The following ALAS1 variants were observed in gnomAD, a reference collection of about 807,000 sequenced individuals.
The protein encoded by ALAS1 is 5'-aminolevulinate synthase 1.
ALAS1 carries 29 observed loss-of-function variants against 59.6 expected under a neutral mutation model. That is an observed-to-expected ratio of 0.49 (90% confidence interval 0.36 to 0.66). The LOEUF is 0.66. Among genes scored for constraint, ALAS1 ranks in the 30% least tolerant of loss-of-function variants. The pLI is 0.00. For synonymous variants in ALAS1, 299 were observed against 296.6 expected (o/e 1.01, Z -0.08); for missense variants, 690 against 807.5 (o/e 0.85, Z 1.76).
chr3:52,198,708 C>A lies in ALAS1; in HGVS notation c.-173C>A. The A allele has an allele frequency of 8.5e-7, 1 of 1,172,184 alleles. No individual in the cohort carries two copies. Among genetic ancestry groups the A allele is most frequent in the Non-Finnish European group, 1.2e-6 (1 of 818,302 alleles). 72.6% of individuals were successfully genotyped at this position (1,172,184 alleles called of 1,614,324 possible). Reference sequence around the variant, plus strand: ...TCTTCCCGCTGTGGGGACACGACCACGGAGGAATCCTTGCTTCAGGGACTC... The same window carrying A: ...TCTTCCCGCTGTGGGGACACGACCAAGGAGGAATCCTTGCTTCAGGGACTC... On this transcript the variant is annotated 5_prime_UTR_variant, in exon 2 of 12. Transcript: ENST00000484952.
rs1319438762 is a variant in ALAS1, at chr3:52,198,756, T to G, written c.-125T>G. Reference sequence around the variant, plus strand: ...CTCGGGACCCTGCTGGACCCCTTCCTCGGGTTTAGGGGATGTGGGGACCAG... The same window carrying G: ...CTCGGGACCCTGCTGGACCCCTTCCGCGGGTTTAGGGGATGTGGGGACCAG... On this transcript the variant is annotated 5_prime_UTR_variant, in exon 2 of 12. Coordinates refer to ENST00000484952, the MANE Select transcript of ALAS1 (RefSeq NM_000688.6). 1.3e-6 allele frequency: 2 copies of G among 1,517,166 alleles called. No individual in the cohort carries two copies. The highest frequency in any genetic ancestry group is 2.8e-5 in the African/African-American group (2 of 72,650). 94.0% of individuals were successfully genotyped at this position (1,517,166 alleles called of 1,614,324 possible).
At position 52,202,578 on chromosome 3, in the gene ALAS1, C is replaced by G; in HGVS notation, c.271C>G (p.Leu91Val). ...GSQQSPDGTQ[L>V]PSGHPLPATS... is the part of the protein sequence containing the mutation. ...CCAGCAGAGTCCAGATGGCACACAG[C>G]TTCCGTCTGGACACCCCTTGCCTGC... The change falls in exon 4 of 12, where the codon CTT (leucine) becomes GTT (valine). Residue 91 changes from leucine (L) to valine (V), a missense_variant. Physicochemically the swap from Leu to Val is conservative, Grantham distance 32. Transcript: ENST00000484952. 1 of 1,614,202 alleles carries G rather than the reference C, an allele frequency of 6.2e-7. No individual in the cohort carries two copies. The highest frequency in any genetic ancestry group is 8.5e-7 in the Non-Finnish European group (1 of 1,180,044).
Position 52,208,172 on chromosome 3 carries a change from T to C in ALAS1, c.1255T>C (p.Tyr419His), listed in dbSNP as rs756023592. The C allele has an allele frequency of 6.2e-7, 1 of 1,613,892 alleles. No individual in the cohort carries two copies. Among genetic ancestry groups the C allele is most frequent in the South Asian group, 1.1e-5 (1 of 91,060 alleles). ...FVDEVHAVGL[Y>H]GARGGGIGDR... ...GGATGAGGTCCACGCAGTGGGGCTT[T>C]ATGGGGCTCGAGGCGGAGGGATTGG... is the stretch of plus-strand genomic sequence containing the variant. Residue 419 changes from tyrosine to histidine, a missense_variant, in exon 9 of 12, where the codon TAT becomes CAT. By Grantham distance (83) the Tyr-to-His change is moderately conservative (BLOSUM62 2). Coordinates refer to ENST00000484952, the MANE Select transcript of ALAS1 (RefSeq NM_000688.6).
Position 52,212,383 on chromosome 3 carries a change from C to A in ALAS1, c.1725C>A (p.Thr575=), listed in dbSNP as rs566594592. ...RGEELLRIAP[T]PHHTPQMMNY... is the part of the protein sequence containing the mutation. ...AAGAGCTCCTACGGATTGCCCCCAC[C>A]CCTCACCACACACCCCAGATGATGA... The change falls in exon 11 of 12, where the codon ACC becomes ACA. Residue 575 remains threonine, a synonymous_variant. Coordinates refer to ENST00000484952, the MANE Select transcript of ALAS1 (RefSeq NM_000688.6). 13 of 1,614,112 alleles carry A rather than the reference C, an allele frequency of 8.1e-6. No individual in the cohort carries two copies. The East Asian group carries it at 2.7e-4, about 33-fold the overall frequency.
intron 1 of ALAS1, 90 bp from the exon 2 acceptor site, chr3:52,198,582 C>A: frequency 1.7e-6 from 1 of 579,110 alleles, no homozygotes; most frequent in South Asian, 2.1e-5. Context: ...ACTCAACTCC[C>A]TCGACTTTAT....
At chr3:52,212,223 G>T in intron 10 of ALAS1, 35 bp from the exon 11 acceptor site, 1 of 1,599,644 alleles carries the variant, frequency 6.3e-7, no homozygotes, top group South Asian at 1.1e-5. Flanking sequence ...AGTCCTTCCT[G>T]TTGTGACCTT....
At position 52,211,459 on chromosome 3, in the gene ALAS1, CA is replaced by C. The variant is rs1317448379; in HGVS notation, c.1508del (p.Gln503ArgfsTer9). 6.2e-7 allele frequency: 1 copy of C among 1,614,256 alleles called. No homozygotes were observed. The highest frequency in any genetic ancestry group is 8.5e-7 in the Non-Finnish European group (1 of 1,180,044). Reference protein sequence around the residue: ...KSAEGRVLRRQHQRNVKLMRQ... With the variant: ...KSAEGRVLRRXHQRNVKLMRQ... ...CGCTGAGGGACGGGTGCTTCGCCGC[CA>C]GCACCAGCGCAACGTCAAACTCATG... On this transcript the variant is annotated frameshift_variant, in exon 10 of 12. Coordinates refer to ENST00000484952, the MANE Select transcript of ALAS1 (RefSeq NM_000688.6). LOFTEE classifies it high-confidence loss of function.
At chr3:52,203,196 G>A (rs1699222735) in intron 4 of ALAS1, among the ~76,000 whole-genome samples, 1 of 152,140 alleles carries the variant, frequency 6.6e-6, no homozygotes, top group Non-Finnish European at 1.5e-5. Context: ...CTCCCCAAAA[G>A]CCTAACCAGC....
At position 52,206,036 on chromosome 3, in the gene ALAS1, G is replaced by A. The variant is rs1378762488; in HGVS notation, c.985+13G>A. ...AAGATGATGCCAGGTAAGGAAGCCT[G>A]GCATGAGTGCCTTCGAGTTTTTTGG... On this transcript the variant is annotated intron_variant, in intron 7 of 11. Transcript: ENST00000484952. The A allele has an allele frequency of 6.3e-7, 1 of 1,577,098 alleles. No individual in the cohort carries two copies. Among genetic ancestry groups the A allele is most frequent in the Non-Finnish European group, 8.6e-7 (1 of 1,160,032 alleles).
At chr3:52,203,219 T>A (rs1699223896) in intron 4 of ALAS1, among the ~76,000 whole-genome samples, 1 of 152,128 alleles carries the variant, frequency 6.6e-6, no homozygotes, top group Non-Finnish European at 1.5e-5. Flanking sequence ...AAATTATGCA[T>A]ATGGCCAAAA....
At chr3:52,210,457 A>G (rs2107280341) in intron 9 of ALAS1, among the ~76,000 whole-genome samples, 1 of 152,246 alleles carries the variant, frequency 6.6e-6, no homozygotes, top group Non-Finnish European at 1.5e-5. Flanking sequence ...CCCTTTTGTA[A>G]CTTTCCTTAG....
At chr3:52,203,370 A>G (rs1411693210) in intron 4 of ALAS1, among the ~76,000 whole-genome samples, 1 of 152,186 alleles carries the variant, frequency 6.6e-6, no homozygotes, top group Non-Finnish European at 1.5e-5. Flanking sequence ...GGGAAACCCC[A>G]TCCCTACCAA....
At chr3:52,198,126 C>A (rs564394089), upstream of ALAS1, 2 of 398,280 alleles carry the variant, frequency 5.0e-6, no homozygotes, top group African/African-American at 2.1e-5. Context: ...CGGTCACTCC[C>A]GCTGTATATT....
chr3:52,203,876 C>G lies in ALAS1; in HGVS notation c.441C>G (p.Thr147=). ...CTTTTGTTCCAGAGGTTGCTGAAAC[C>G]TCAGCAGGCCCCAGTGTGGTTAGTG... ...MNAVRKEVAE[T]SAGPSVVSVK... is the part of the protein sequence containing the mutation. Residue 147 remains threonine (T), a synonymous_variant, in exon 5 of 12, where the codon ACC becomes ACG. Coordinates refer to ENST00000484952, the MANE Select transcript of ALAS1 (RefSeq NM_000688.6). 6.3e-7 allele frequency: 1 copy of G among 1,588,238 alleles called. No homozygotes were observed. Among genetic ancestry groups the G allele is most frequent in the Non-Finnish European group, 8.6e-7 (1 of 1,167,178 alleles).
rs1169790438 is a variant in ALAS1 at position 52,202,669 on chromosome 3, G to A, written c.362G>A (p.Ser121Asn). ...LAAQMNQRGSSVFCKASLELQ... is the reference protein window; with the variant it reads ...LAAQMNQRGSNVFCKASLELQ... ...GCACAGATGAATCAGAGAGGCAGCA[G>A]TGTCTTCTGCAAAGCCAGTCTTGAG... is the stretch of plus-strand genomic sequence containing the variant. The change falls in exon 4 of 12, where the codon AGT becomes AAT. Residue 121 changes from serine (S) to asparagine (N), a missense_variant. Physicochemically the swap from Ser to Asn is conservative, Grantham distance 46. Coordinates refer to ENST00000484952, the MANE Select transcript of ALAS1 (RefSeq NM_000688.6). 1.2e-6 allele frequency: 2 copies of A among 1,614,234 alleles called. No individual in the cohort carries two copies.
At chr3:52,206,512 C>G in intron 7 of ALAS1, 60 bp from the exon 8 acceptor site, 1 of 1,544,292 alleles carries the variant, frequency 6.5e-7, no homozygotes, top group South Asian at 1.2e-5. Context: ...TGTTGTCTTT[C>G]TCTAGGAAAT....
In ALAS1 at chr3:52,211,468, C is replaced by T. The variant is rs760203277; in HGVS notation, c.1516C>T (p.Arg506Cys). 1.3e-5 allele frequency: 21 copies of T among 1,614,124 alleles called. No individual in the cohort carries two copies. Among genetic ancestry groups the T allele is most frequent in the Non-Finnish European group, 1.7e-5 (20 of 1,180,056 alleles). ...ACGGGTGCTTCGCCGCCAGCACCAG[C>T]GCAACGTCAAACTCATGAGACAGAT... The part of the protein sequence containing the change: ...EGRVLRRQHQ[R>C]NVKLMRQMLM... The change falls in exon 10 of 12, where the codon CGC becomes TGC. Residue 506 changes from arginine to cysteine, a missense_variant. Physicochemically the swap from Arg to Cys is radical, Grantham distance 180. Transcript: ENST00000484952.
chr3:52,206,835 T>C, intron 8 of ALAS1, 84 bp downstream of exon 8: 1 of 1,474,824 alleles, frequency 6.8e-7, no homozygotes, highest in East Asian at 2.3e-5. Flanking sequence ...TTGTTGTGTT[T>C]TTTAATTTTT....
At chr3:52,208,369 T>C in intron 9 of ALAS1, 122 bp downstream of exon 9, 2 of 1,123,118 alleles carry the variant, frequency 1.8e-6, no homozygotes, top group Non-Finnish European at 2.5e-6. Context: ...TGGGCCACTC[T>C]TTCTTTTGGC....
Sources: gnomAD v4.1 joint callset for allele counts (sites outside exome capture counted in the v4.1 genomes callset) on GRCh38, gnomAD v4.1.1 for gene constraint, MANE v1.5 for transcripts, NCBI Gene and HGNC (gene_info 2026-07-23, HGNC 2026-07-21) for gene names.